GALNT13: variants seen among roughly 807,000 people sequenced by gnomAD.
GALNT13 encodes UDP-GalNAc:polypeptide N-acetylgalactosaminyltransferase 13.
GALNT13 carries 28 observed loss-of-function variants against 64.2 expected under a neutral mutation model. The ratio of observed to expected loss-of-function variants is 0.44; its 90% CI spans 0.32 to 0.60. GALNT13 has a LOEUF of 0.60. Among genes scored for constraint, GALNT13 ranks in the 20% least tolerant of loss-of-function variants. The probability of loss-of-function intolerance (pLI) is 0.05; values close to 1 mark genes in which losing one functional copy is unlikely to be tolerated. For missense variants in GALNT13, 577 were observed against 669.8 expected, an observed-to-expected ratio of 0.86 and a Z score of 1.53; for synonymous variants, 214 against 224.6, an observed-to-expected ratio of 0.95 and a Z score of 0.42.
chr2:153,397,919 TA>T, the GALNT13 span, among the ~76,000 whole-genome samples: 24 of 152,054 alleles, frequency 1.6e-4, no homozygotes, highest in South Asian at 4.1e-4. Context: ...AGATTTTTTT[TA>T]ATTTATTTTT....
chr2:154,050,667 T>C (rs1699553844), intron 3 of GALNT13, among the ~76,000 whole-genome samples: 1 of 152,178 alleles, frequency 6.6e-6, no homozygotes, highest in Non-Finnish European at 1.5e-5. Context: ...AAGTATCAGA[T>C]GTTGTGGAGT....
chr2:153,297,366 A>T, the GALNT13 span, among the ~76,000 whole-genome samples: 1 of 152,226 alleles, frequency 6.6e-6, no homozygotes, highest in Non-Finnish European at 1.5e-5. Flanking sequence ...AGCAGTGAGG[A>T]TAATTTAAGA....
chr2:154,203,447 C>T (rs1687277287), intron 4 of GALNT13, among the ~76,000 whole-genome samples: 1 of 152,134 alleles, frequency 6.6e-6, no homozygotes, highest in African/African-American at 2.4e-5. Context: ...CACATTTTCT[C>T]TCTCTCCATA....
intron 9 of GALNT13, among the ~76,000 whole-genome samples, chr2:154,340,483 A>G (rs1366512237): frequency 6.6e-6 from 1 of 152,144 alleles, no homozygotes; most frequent in Admixed American, 6.6e-5. Context: ...TTTCTTGATG[A>G]TGACTTCAAT....
At chr2:154,079,410 T>C (rs1701155635) in intron 3 of GALNT13, among the ~76,000 whole-genome samples, 1 of 151,580 alleles carries the variant, frequency 6.6e-6, no homozygotes, top group Non-Finnish European at 1.5e-5. Context: ...AGCCTTTCCT[T>C]TTTCTGACTT....
At chr2:154,190,041 T>G (rs1467433923) in intron 4 of GALNT13, among the ~76,000 whole-genome samples, 1 of 152,208 alleles carries the variant, frequency 6.6e-6, no homozygotes, top group African/African-American at 2.4e-5. Context: ...TTTGGTGTCC[T>G]TCTTGTGTGT....
intron 6 of GALNT13, among the ~76,000 whole-genome samples, chr2:154,244,256 A>C (rs1370382486): frequency 6.6e-6 from 1 of 152,200 alleles, no homozygotes; most frequent in Non-Finnish European, 1.5e-5. Flanking sequence ...TATAAAGTTT[A>C]AAACTACCCT....
chr2:153,837,600 T>A, the GALNT13 span, among the ~76,000 whole-genome samples: 1 of 152,070 alleles, frequency 6.6e-6, no homozygotes, highest in African/African-American at 2.4e-5. Flanking sequence ...TTTTCTAGGC[T>A]GAATAATATT....
chr2:154,005,838 T>A (rs1490037028), intron 3 of GALNT13, among the ~76,000 whole-genome samples: 1 of 152,182 alleles, frequency 6.6e-6, no homozygotes, highest in African/African-American at 2.4e-5. Flanking sequence ...TTTCTAAGTA[T>A]AACAGTCAGA....
intron 2 of GALNT13, among the ~76,000 whole-genome samples, chr2:153,920,230 A>C (rs951424655): frequency 6.6e-6 from 1 of 151,272 alleles, no homozygotes; most frequent in Non-Finnish European, 1.5e-5. Flanking sequence ...AACTTAGAAT[A>C]TGCATTCAGA....
At chr2:153,121,726 G>A in the GALNT13 span, among the ~76,000 whole-genome samples, 2 of 152,012 alleles carry the variant, frequency 1.3e-5, no homozygotes, top group African/African-American at 2.4e-5. Flanking sequence ...TAGAGACAGG[G>A]TTTCACCATG....
rs1023978050 is a variant in GALNT13 at position 154,043,449 on chromosome 2, T to C, written c.143-96888T>C. On this transcript the variant is annotated intron_variant, in intron 3 of 12. Coordinates refer to ENST00000392825, the MANE Select transcript of GALNT13 (RefSeq NM_052917.4). ...ATATATATATATATATATATATATATATATATACACACATGTATACATAAA... is the reference window on the plus strand; with the variant it reads ...ATATATATATATATATATATATATACATATATACACACATGTATACATAAA... 1.7e-3 allele frequency among the ~76,000 whole-genome samples: 182 copies of C among 109,694 alleles called. 11 individuals carry two copies. Among genetic ancestry groups the C allele is most frequent in the South Asian group, 0.012 (35 of 2,938 alleles). The allele number at this position is 109,694 out of a possible 152,430, so 72.0% of individuals were successfully genotyped here.
the GALNT13 span, among the ~76,000 whole-genome samples, chr2:153,329,318 A>G: frequency 6.6e-6 from 1 of 152,150 alleles, no homozygotes; most frequent in African/African-American, 2.4e-5. Context: ...TGCTGAGTTG[A>G]ATAGTAGTTC....
the GALNT13 span, among the ~76,000 whole-genome samples, chr2:153,391,517 A>C: frequency 6.6e-6 from 1 of 152,120 alleles, no homozygotes; most frequent in Non-Finnish European, 1.5e-5. Flanking sequence ...AATATTATGA[A>C]TAGGTCTTTT....
chr2:154,037,496 A>G (rs1238794786), intron 3 of GALNT13, among the ~76,000 whole-genome samples: 1 of 152,172 alleles, frequency 6.6e-6, no homozygotes, highest in East Asian at 1.9e-4. Context: ...TAGCACTGGA[A>G]GTCCTAGCCA....
intron 1 of GALNT13, among the ~76,000 whole-genome samples, chr2:153,885,567 A>C (rs1035408834): frequency 1.3e-5 from 2 of 152,118 alleles, no homozygotes; most frequent in African/African-American, 4.8e-5. Context: ...CTGAGGAATA[A>C]TTTGAAACAA....
At chr2:154,202,256 C>T (rs747435131) in intron 4 of GALNT13, among the ~76,000 whole-genome samples, 8 of 151,882 alleles carry the variant, frequency 5.3e-5, no homozygotes, top group Admixed American at 1.3e-4. Context: ...TCAGGAAAAC[C>T]CCTGTAAGGT....
chr2:154,136,421 A>G (rs375686358), intron 3 of GALNT13, among the ~76,000 whole-genome samples: 4 of 152,122 alleles, frequency 2.6e-5, no homozygotes, highest in African/African-American at 9.7e-5. Flanking sequence ...TTTCCTAGAT[A>G]TAGACTAGTT....
At chr2:153,522,731 G>C in the GALNT13 span, among the ~76,000 whole-genome samples, 2 of 152,214 alleles carry the variant, frequency 1.3e-5, no homozygotes, top group Non-Finnish European at 2.9e-5. Flanking sequence ...TGAATTTTAA[G>C]AGTTCTTTGT....
Sources: allele counts gnomAD v4.1 joint callset (sites outside exome capture counted in the v4.1 genomes callset), GRCh38; gene constraint gnomAD v4.1.1; transcripts MANE v1.5; gene names NCBI Gene and HGNC (gene_info 2026-07-23, HGNC 2026-07-21).